Variants in GFPT1 observed in about 807,000 individuals in gnomAD.
GFPT1 encodes glutamine--fructose-6-phosphate aminotransferase [isomerizing] 1.
A neutral mutation model predicts 92.0 loss-of-function variants in GFPT1; 40 were observed. The ratio of observed to expected loss-of-function variants is 0.43; its 90% CI spans 0.34 to 0.57. The LOEUF (loss-of-function observed/expected upper bound fraction) is 0.57. GFPT1 is among the 20% of genes least tolerant of loss of function. GFPT1 has a pLI of 0.02. For missense variants in GFPT1, 448 were observed against 869.1 expected (o/e 0.52, Z 6.09); for synonymous variants, 269 against 280.6 (o/e 0.96, Z 0.41).
chr2:69,362,457 T>C (rs565812048), intron 4 of GFPT1, among the ~76,000 whole-genome samples: 195 of 152,212 alleles, frequency 1.3e-3, no homozygotes, highest in Non-Finnish European at 2.2e-3. Flanking sequence ...GTAAATATTT[T>C]AAATAATTAT....
intron 1 of GFPT1, among the ~76,000 whole-genome samples, chr2:69,377,834 G>A (rs112025248): frequency 2.6e-4 from 39 of 152,280 alleles, no homozygotes; most frequent in African/African-American, 7.9e-4. Flanking sequence ...CGGGGATACC[G>A]GGTTAACTGT....
chr2:69,328,221 G>A (rs754789694), intron 18 of GFPT1, 50 bp downstream of exon 18: 4 of 1,401,600 alleles, frequency 2.9e-6, no homozygotes, highest in East Asian at 2.3e-5. Context: ...ATAAGCTAGC[G>A]TAACTCCCCT....
chr2:69,350,425 T>C (rs1407843555), intron 9 of GFPT1, among the ~76,000 whole-genome samples: 1 of 152,158 alleles, frequency 6.6e-6, no homozygotes, highest in Non-Finnish European at 1.5e-5. Context: ...CTACATTATA[T>C]GTTTTTTTAA....
At position 69,337,818 on chromosome 2, in the gene GFPT1, ATACAGACTAGTC is replaced by A. The variant is rs1044375342; in HGVS notation, c.1482+68_1482+79del. ...TTCTATAACTGCTAACAAAAATAAG[ATACAGACTAGTC>A]TACAGACTAGTCTGCTTCACTGACA... On this transcript the variant is annotated intron_variant, in intron 15 of 19. Transcript: ENST00000357308. 807 of 1,130,416 alleles carry A rather than the reference ATACAGACTAGTC, an allele frequency of 7.1e-4. 2 individuals are homozygous for A. Among genetic ancestry groups the A allele is most frequent in the South Asian group, 9.6e-4 (78 of 81,468 alleles). 70.0% of individuals were successfully genotyped at this position (1,130,416 alleles called of 1,614,324 possible). A position where few individuals can be genotyped will look rare whatever the true frequency, so the allele number is the denominator to read the frequency against.
At position 69,333,281 on chromosome 2, in the gene GFPT1, C is replaced by G. The variant is rs1032912431; in HGVS notation, c.1483-3483G>C. Among the ~76,000 whole-genome samples the G allele has an allele frequency of 2.0e-5, 3 of 152,198 alleles. No individual in the cohort carries two copies. In the South Asian group the frequency reaches 6.2e-4, roughly 32 times the overall value. On this transcript the variant is annotated intron_variant, in intron 15 of 19. Coordinates refer to ENST00000357308, the MANE Select transcript of GFPT1 (RefSeq NM_001244710.2). ...ATAATGAGTATTCCAGTTCCTGTAG[C>G]CCATAACTAAAAATGTTATTCTACA... is the stretch of plus-strand genomic sequence containing the variant.
At chr2:69,346,330 C>A (rs1258151724) in intron 11 of GFPT1, among the ~76,000 whole-genome samples, 1 of 152,092 alleles carries the variant, frequency 6.6e-6, no homozygotes, top group Non-Finnish European at 1.5e-5. Flanking sequence ...TCTTGGCCTC[C>A]TGGATTCAAG....
chr2:69,367,586 C>G (rs1419869869), intron 3 of GFPT1, among the ~76,000 whole-genome samples: 1 of 152,176 alleles, frequency 6.6e-6, no homozygotes, highest in Non-Finnish European at 1.5e-5. Context: ...GTCTCAAACA[C>G]CAGAGCTCAG....
rs1347372003 is a variant in GFPT1, at chr2:69,342,267, G to A, written c.1106-18C>T. 6.8e-7 allele frequency: 1 copy of A among 1,464,476 alleles called. No homozygotes were observed. Among genetic ancestry groups the A allele is most frequent in the Non-Finnish European group, 9.6e-7 (1 of 1,043,740 alleles). 90.7% of individuals were successfully genotyped at this position (1,464,476 alleles called of 1,614,324 possible). A position where few individuals can be genotyped will look rare whatever the true frequency, so the allele number is the denominator to read the frequency against. On this transcript the variant is annotated intron_variant, in intron 12 of 19. Coordinates refer to ENST00000357308, the MANE Select transcript of GFPT1 (RefSeq NM_001244710.2). The stretch of plus-strand genomic sequence containing the variant: ...CAAATTCACTGAAATAAAAGTTTGT[G>A]TACATAATTATTTAGCAAAGAACCA...
intron 3 of GFPT1, among the ~76,000 whole-genome samples, chr2:69,364,555 TCTCTG>T (rs1329298259): frequency 6.6e-6 from 1 of 152,256 alleles, no homozygotes; most frequent in Non-Finnish European, 1.5e-5. Context: ...ATTTCTTTGG[TCTCTG>T]GTGAGTGTAC....
intron 13 of GFPT1, 126 bp downstream of exon 13, chr2:69,342,026 T>C: frequency 1.6e-6 from 1 of 608,120 alleles, no homozygotes. Flanking sequence ...CTTCTTTTTT[T>C]ATCACAAAAG....
intron 3 of GFPT1, 88 bp downstream of exon 3, chr2:69,369,913 A>T (rs1448000151): frequency 4.9e-6 from 4 of 817,650 alleles, no homozygotes; most frequent in African/African-American, 3.3e-5. Flanking sequence ...GTCCCAAAAT[A>T]TGGGGGGAGG....
chr2:69,371,762 G>A (rs368459882), intron 2 of GFPT1, among the ~76,000 whole-genome samples: 145 of 151,968 alleles, frequency 9.5e-4, no homozygotes, highest in East Asian at 4.7e-3. Flanking sequence ...GCGTGAACCC[G>A]GGAGGTGGAG....
At chr2:69,382,569 A>T (rs1672035783) in intron 1 of GFPT1, among the ~76,000 whole-genome samples, 1 of 152,160 alleles carries the variant, frequency 6.6e-6, no homozygotes, top group Non-Finnish European at 1.5e-5. Flanking sequence ...CATATGAATG[A>T]CCTTTTTCTA....
chr2:69,363,294 G>A (rs1671520723), intron 4 of GFPT1, among the ~76,000 whole-genome samples: 1 of 152,048 alleles, frequency 6.6e-6, no homozygotes, highest in Non-Finnish European at 1.5e-5. Flanking sequence ...TGTAGAGACA[G>A]GGTCTCACTA....
intron 4 of GFPT1, among the ~76,000 whole-genome samples, chr2:69,363,151 CA>C (rs1671517576): frequency 6.6e-6 from 1 of 152,144 alleles, no homozygotes; most frequent in East Asian, 1.9e-4. Context: ...GGTTGGAGGG[CA>C]ATGGCATGAG....
At chr2:69,382,436 T>C (rs1672033579) in intron 1 of GFPT1, among the ~76,000 whole-genome samples, 1 of 152,182 alleles carries the variant, frequency 6.6e-6, no homozygotes, top group Non-Finnish European at 1.5e-5. Flanking sequence ...CAAAATCCTC[T>C]TCTTTTTCAT....
intron 8 of GFPT1, 75 bp downstream of exon 8, chr2:69,354,414 A>T: frequency 1.6e-6 from 2 of 1,289,354 alleles, no homozygotes; most frequent in Admixed American, 3.4e-5. Flanking sequence ...GCATCTGACC[A>T]AAGAGCCATC....
chr2:69,356,168 A>G (rs1052678827), intron 7 of GFPT1, among the ~76,000 whole-genome samples: 5 of 151,624 alleles, frequency 3.3e-5, no homozygotes, highest in African/African-American at 7.3e-5. Flanking sequence ...TAATTTTTCT[A>G]TATTTAGTAG....
intron 3 of GFPT1, among the ~76,000 whole-genome samples, chr2:69,367,979 T>C (rs180865828): frequency 2.0e-5 from 3 of 152,336 alleles, no homozygotes; most frequent in East Asian, 3.9e-4. Context: ...CCAGGTGCAG[T>C]GGTTCAAGCC....
Sources: gnomAD v4.1 joint callset for allele counts (sites outside exome capture counted in the v4.1 genomes callset) on GRCh38, gnomAD v4.1.1 for gene constraint, MANE v1.5 for transcripts, NCBI Gene and HGNC (gene_info 2026-07-23, HGNC 2026-07-21) for gene names.